The following WARS2 variants were observed in gnomAD, a reference collection of about 807,000 sequenced individuals.
The protein encoded by WARS2 is tryptophanyl tRNA synthetase 2, mitochondrial.
WARS2 carries 28 observed loss-of-function variants against 36.5 expected under a neutral mutation model. The ratio of observed to expected loss-of-function variants is 0.77; its 90% CI spans 0.57 to 1.05. WARS2 has a LOEUF of 1.05. Ranked by LOEUF, WARS2 falls within the 50% of genes least tolerant of loss-of-function variation. The pLI, the probability that WARS2 is intolerant of heterozygous loss-of-function variation, is 0.00. For synonymous variants in WARS2, 174 were observed against 178.4 expected, an observed-to-expected ratio of 0.98 and a Z score of 0.20; for missense variants, 435 against 456.8, an observed-to-expected ratio of 0.95 and a Z score of 0.44.
At chr1:119,042,370 G>C (rs769305019) in intron 3 of WARS2, 21 bp from the exon 4 acceptor site, 1 of 1,610,294 alleles carries the variant, frequency 6.2e-7, no homozygotes, top group South Asian at 1.1e-5. Flanking sequence ...TGAAAAGAGA[G>C]GAGGGGAAGA....
At position 119,127,101 on chromosome 1, in the gene WARS2, C is replaced by T; in HGVS notation, c.90+13454G>A. ...AGTAAGACTCACTTCAAGCACACAA[C>T]CCTCAAAGCCATCAGATGCAATTTT... On this transcript the variant is annotated intron_variant, in intron 1 of 5. Coordinates refer to ENST00000235521, the MANE Select transcript of WARS2 (RefSeq NM_015836.4). 3 of 739,228 alleles carry T rather than the reference C, an allele frequency of 4.1e-6. No homozygotes were observed. In the South Asian group the frequency reaches 4.1e-5, roughly 10 times the overall value. 45.8% of individuals were successfully genotyped at this position (739,228 alleles called of 1,614,324 possible).
chr1:119,042,755 T>C (rs923375003), intron 3 of WARS2, among the ~76,000 whole-genome samples: 1 of 152,214 alleles, frequency 6.6e-6, no homozygotes, highest in Admixed American at 6.5e-5. Flanking sequence ...TGTTTATACA[T>C]GGAGACTTTC....
intron 2 of WARS2, among the ~76,000 whole-genome samples, chr1:119,049,228 G>A (rs1251423896): frequency 6.6e-6 from 1 of 152,196 alleles, no homozygotes; most frequent in Non-Finnish European, 1.5e-5. Context: ...AACGACATGG[G>A]GTTTGTCTGG....
intron 4 of WARS2, among the ~76,000 whole-genome samples, chr1:119,035,489 T>G (rs1034717194): frequency 1.3e-5 from 2 of 152,170 alleles, no homozygotes; most frequent in Non-Finnish European, 2.9e-5. Context: ...CAATAAATGG[T>G]TGCTATTGAT....
At chr1:119,090,531 G>GTT (rs1652970178) in intron 1 of WARS2, among the ~76,000 whole-genome samples, 1 of 152,082 alleles carries the variant, frequency 6.6e-6, no homozygotes, top group Non-Finnish European at 1.5e-5. Flanking sequence ...TTTTTGTATT[G>GTT]TTTAACTTTT....
chr1:119,120,795 A>G (rs2101535688), intron 1 of WARS2, among the ~76,000 whole-genome samples: 2 of 152,294 alleles, frequency 1.3e-5, no homozygotes, highest in South Asian at 4.1e-4. Flanking sequence ...AACAAAAATC[A>G]TATGATCATC....
chr1:119,114,641 A>G (rs1457288278), intron 1 of WARS2, among the ~76,000 whole-genome samples: 1 of 152,140 alleles, frequency 6.6e-6, no homozygotes, highest in Non-Finnish European at 1.5e-5. Flanking sequence ...TAGTAATCAG[A>G]GTATAGTTGA....
rs587662136 is a variant in WARS2, at chr1:119,128,917, T to C, written c.90+11638A>G. On this transcript the variant is annotated intron_variant, in intron 1 of 5. Transcript: ENST00000235521. ...TCTATTTTAGTCATAGATATGTTCA[T>C]ATATTCTCAATCAAAATTAAGGAAA... 3.9e-5 allele frequency among the ~76,000 whole-genome samples: 6 copies of C among 152,322 alleles called. No homozygotes were observed. In the South Asian group the frequency reaches 1.2e-3, roughly 32 times the overall value.
chr1:119,138,605 T>C (rs1656682003), intron 1 of WARS2, among the ~76,000 whole-genome samples: 1 of 152,182 alleles, frequency 6.6e-6, no homozygotes, highest in South Asian at 2.1e-4. Context: ...TATGTATACG[T>C]TTATATAAAC....
intron 1 of WARS2, among the ~76,000 whole-genome samples, chr1:119,114,687 G>A (rs1654855157): frequency 1.3e-5 from 2 of 152,142 alleles, no homozygotes; most frequent in Admixed American, 1.3e-4. Context: ...TAATTTTCAT[G>A]GGTAGGATTT....
At chr1:119,119,642 A>G (rs908583816) in intron 1 of WARS2, among the ~76,000 whole-genome samples, 1 of 152,170 alleles carries the variant, frequency 6.6e-6, no homozygotes, top group African/African-American at 2.4e-5. Context: ...ATCCTCCAAG[A>G]TAGACCATAT....
chr1:119,100,996 GC>G (rs1264008462), intron 1 of WARS2, among the ~76,000 whole-genome samples: 1 of 152,158 alleles, frequency 6.6e-6, no homozygotes. Context: ...ATATGTAGGA[GC>G]TAAAATATTT....
intron 1 of WARS2, among the ~76,000 whole-genome samples, chr1:119,134,319 C>CAAAAAAAAAAAAAAAAAA (rs761321480): frequency 1.2e-4 from 8 of 65,880 alleles, no homozygotes; most frequent in East Asian, 5.3e-4. Context: ...GGCAAAGGGG[C>CAAAAAAAAAAAAAAAAAA]AAAAAAAAAA....
rs188066724 is a variant in WARS2 at position 119,111,847 on chromosome 1, T to C, written c.90+28708A>G. Among the ~76,000 whole-genome samples, 75 of 152,292 alleles carry C rather than the reference T, an allele frequency of 4.9e-4. No homozygotes were observed. In the Middle Eastern group the frequency reaches 0.014, roughly 28 times the overall value. On this transcript the variant is annotated intron_variant, in intron 1 of 5. Coordinates refer to ENST00000235521, the MANE Select transcript of WARS2 (RefSeq NM_015836.4). ...TATCCAAATATCTGTATCTCCAATT[T>C]TGGGGGGCAGAAGTCTTCGCTGTGA... is the stretch of plus-strand genomic sequence containing the variant.
chr1:119,059,869 G>C (rs1384612064), intron 2 of WARS2, among the ~76,000 whole-genome samples: 3 of 152,136 alleles, frequency 2.0e-5, no homozygotes, highest in African/African-American at 2.4e-5. Flanking sequence ...CTTACTTATA[G>C]GTGGGGACTA....
chr1:119,099,638 C>T (rs945739113), intron 1 of WARS2, among the ~76,000 whole-genome samples: 4 of 152,100 alleles, frequency 2.6e-5, no homozygotes, highest in Non-Finnish European at 4.4e-5. Context: ...TGTGTTTTAG[C>T]ATCAGAATTA....
intron 4 of WARS2, among the ~76,000 whole-genome samples, chr1:119,040,059 A>G (rs1338179596): frequency 6.6e-6 from 1 of 152,252 alleles, no homozygotes; most frequent in African/African-American, 2.4e-5. Context: ...AAACAATGAT[A>G]TAGCTTAAAA....
chr1:119,111,283 G>A (rs767373179), intron 1 of WARS2, among the ~76,000 whole-genome samples: 1 of 152,158 alleles, frequency 6.6e-6, no homozygotes, highest in South Asian at 2.1e-4. Flanking sequence ...GTTGTAGGGG[G>A]TGATGAAGTA....
At chr1:119,095,064 T>C (rs1191875317) in intron 1 of WARS2, among the ~76,000 whole-genome samples, 3 of 152,160 alleles carry the variant, frequency 2.0e-5, no homozygotes, top group African/African-American at 7.2e-5. Flanking sequence ...GTTTTTTTTA[T>C]GATCGATTCC....
Sources: gnomAD v4.1 joint callset for allele counts (sites outside exome capture counted in the v4.1 genomes callset) on GRCh38, gnomAD v4.1.1 for gene constraint, MANE v1.5 for transcripts, NCBI Gene and HGNC (gene_info 2026-07-23, HGNC 2026-07-21) for gene names.